Variants in PARP16 observed in about 807,000 individuals in gnomAD.
PARP16 encodes poly(ADP-ribose) polymerase family member 16, also known as protein mono-ADP-ribosyltransferase PARP16.
A neutral mutation model predicts 35.0 loss-of-function variants in PARP16; 31 were observed. That is an observed-to-expected ratio of 0.88 (90% CI 0.66 to 1.19). The LOEUF (loss-of-function observed/expected upper bound fraction) is 1.19. Ranked by LOEUF, PARP16 falls within the 50% of genes most tolerant of loss-of-function variation. The pLI is 0.00. For missense variants in PARP16, 424 were observed against 411.2 expected, an observed-to-expected ratio of 1.03 and a Z score of -0.27; for synonymous variants, 162 against 169.5, an observed-to-expected ratio of 0.96 and a Z score of 0.34.
chr15:65,233,445 CTTG>C (rs1051503486), downstream of PARP16, among the ~76,000 whole-genome samples: 2 of 150,964 alleles, frequency 1.3e-5, no homozygotes, highest in Non-Finnish European at 3.0e-5. Context: ...CAAAAAATAA[CTTG>C]TTAAGAGAAG....
At chr15:65,246,414 A>G (rs1327069672) in intron 3 of PARP16, among the ~76,000 whole-genome samples, 2 of 152,144 alleles carry the variant, frequency 1.3e-5, no homozygotes, top group Non-Finnish European at 2.9e-5. Context: ...CAGGTGCTCT[A>G]TGATTCTCAG....
intron 1 of PARP16, among the ~76,000 whole-genome samples, chr15:65,273,975 C>T (rs1307703512): frequency 6.6e-6 from 1 of 151,694 alleles, no homozygotes; most frequent in African/African-American, 2.4e-5. Context: ...TTTTTGGAGA[C>T]AGGGTCACGC....
intron 3 of PARP16, among the ~76,000 whole-genome samples, chr15:65,247,798 C>CTTTT (rs930896140): frequency 3.6e-4 from 33 of 90,984 alleles, no homozygotes; most frequent in East Asian, 1.3e-3. Flanking sequence ...ATGGATTGTT[C>CTTTT]TTTTTTTTTT....
chr15:65,272,554 C>G (rs1188025743), intron 1 of PARP16, among the ~76,000 whole-genome samples: 3 of 152,124 alleles, frequency 2.0e-5, no homozygotes, highest in Non-Finnish European at 4.4e-5. Flanking sequence ...TGTCTTGTTC[C>G]AAGAATACCC....
intron 1 of PARP16, among the ~76,000 whole-genome samples, chr15:65,276,572 T>C (rs10083571): frequency 0.7 from 106,648 of 151,886 alleles, 38,668 homozygotes; most frequent in East Asian, 0.99. Context: ...CACCATGTTG[T>C]CCAGGCTGGT....
chr15:65,255,635 T>C (rs970612545), downstream of PARP16, among the ~76,000 whole-genome samples: 1 of 151,536 alleles, frequency 6.6e-6, no homozygotes, highest in African/African-American at 2.4e-5. Context: ...AGACCATTCT[T>C]TATGTATCCT....
At chr15:65,231,667 C>G (rs1306276057), downstream of PARP16, among the ~76,000 whole-genome samples, 1 of 152,114 alleles carries the variant, frequency 6.6e-6, no homozygotes, top group East Asian at 1.9e-4. Context: ...AGGCTGGTCT[C>G]AAACTCCTGA....
intron 2 of PARP16, among the ~76,000 whole-genome samples, chr15:65,248,903 C>G (rs1386271300): frequency 6.6e-6 from 1 of 152,182 alleles, no homozygotes; most frequent in Non-Finnish European, 1.5e-5. Flanking sequence ...AGTTGCCTCC[C>G]AAAGCCTGAC....
chr15:65,263,047 C>T (rs893477294), intron 4 of PARP16, 102 bp downstream of exon 4: 3 of 1,103,480 alleles, frequency 2.7e-6, no homozygotes, highest in African/African-American at 3.1e-5. Flanking sequence ...CCAGCCCAAC[C>T]CTTGGGCATG....
downstream of PARP16, among the ~76,000 whole-genome samples, chr15:65,233,729 A>G (rs912064347): frequency 3.3e-5 from 5 of 151,456 alleles, no homozygotes; most frequent in Non-Finnish European, 4.4e-5. Flanking sequence ...GAGCAAGACT[A>G]TATCACAAAA....
chr15:65,269,174 T>TCTCTC (rs60229565), intron 2 of PARP16, among the ~76,000 whole-genome samples: 29,830 of 146,690 alleles, frequency 0.2, 3,594 homozygotes, highest in Admixed American at 0.27. Context: ...TTTAGTCGGT[T>TCTCTC]TTTTTCTTTC....
At chr15:65,239,823 A>C (rs1323375513) in intron 3 of PARP16, among the ~76,000 whole-genome samples, 1 of 146,766 alleles carries the variant, frequency 6.8e-6, no homozygotes, top group Non-Finnish European at 1.5e-5. Flanking sequence ...CGCCTGGCTA[A>C]TTTTTTGTAT....
At chr15:65,246,268 C>T (rs906796089) in intron 3 of PARP16, among the ~76,000 whole-genome samples, 1 of 152,124 alleles carries the variant, frequency 6.6e-6, no homozygotes, top group Non-Finnish European at 1.5e-5. Context: ...AGGGGATTCC[C>T]GAGATAGTCA....
intron 2 of PARP16, among the ~76,000 whole-genome samples, chr15:65,267,678 C>CTTTTTTT (rs556058787): frequency 0.014 from 724 of 53,060 alleles, 209 homozygotes; most frequent in Non-Finnish European, 0.015. Context: ...ATTTTCCTAA[C>CTTTTTTT]TTTTTTTTTT....
chr15:65,286,745 T>C lies in PARP16; in HGVS notation c.-319A>G, dbSNP rs569016206. ...GGTTCCCGGCCTAGGGGAAGGGCTA[T>C]GACAATGGAATGACAACCGCGGGAA... On this transcript the variant is annotated 5_prime_UTR_variant, in exon 1 of 6. Coordinates refer to ENST00000649807, the MANE Select transcript of PARP16 (RefSeq NM_001316943.2). The C allele has an allele frequency of 2.4e-5, 8 of 329,388 alleles. No homozygotes were observed. The South Asian group carries it at 7.8e-4, about 32-fold the overall frequency. 20.4% of individuals were successfully genotyped at this position (329,388 alleles called of 1,614,324 possible). A position where few individuals can be genotyped will look rare whatever the true frequency, so the allele number is the denominator to read the frequency against.
At position 65,259,367 on chromosome 15, in the gene PARP16, GCA is replaced by G; in HGVS notation, c.*38_*39del. 1 of 1,609,104 alleles carries G rather than the reference GCA, an allele frequency of 6.2e-7. No homozygotes were observed. Among genetic ancestry groups the G allele is most frequent in the East Asian group, 2.2e-5 (1 of 44,856 alleles). On this transcript the variant is annotated 3_prime_UTR_variant, in exon 6 of 6. Transcript: ENST00000649807. ...GAGGTACAGAACAAGTTACCATAAG[GCA>G]CATAGTTGAGGTAGCCCCCACACCA...
intron 3 of PARP16, among the ~76,000 whole-genome samples, chr15:65,242,444 A>C (rs1460723798): frequency 1.3e-5 from 2 of 152,006 alleles, no homozygotes; most frequent in Non-Finnish European, 2.9e-5. Flanking sequence ...TTTTGAATCT[A>C]TATGCCAATT....
chr15:65,257,833 C>T (rs569241370), downstream of PARP16, among the ~76,000 whole-genome samples: 37 of 152,204 alleles, frequency 2.4e-4, no homozygotes, highest in South Asian at 7.3e-3. Flanking sequence ...ATCTGCCCAC[C>T]TTGCAGGCTG....
intron 3 of PARP16, among the ~76,000 whole-genome samples, chr15:65,246,914 T>G (rs2089224213): frequency 6.6e-6 from 1 of 152,194 alleles, no homozygotes; most frequent in Non-Finnish European, 1.5e-5. Flanking sequence ...TTGTAAGATA[T>G]GAAAGCTGGA....
Sources: allele counts gnomAD v4.1 joint callset (sites outside exome capture counted in the v4.1 genomes callset), GRCh38; gene constraint gnomAD v4.1.1; transcripts MANE v1.5; gene names NCBI Gene and HGNC (gene_info 2026-07-23, HGNC 2026-07-21).